Variants in CHD6 observed in about 807,000 individuals in gnomAD.
CHD6 encodes ATP-dependent chromatin remodeler CHD6.
A neutral mutation model predicts 276.9 loss-of-function variants in CHD6; 50 were observed. The ratio of observed to expected loss-of-function variants is 0.18; its 90% CI spans 0.14 to 0.23. The LOEUF is 0.23. Ranked by LOEUF, CHD6 falls within the 10% of genes least tolerant of loss-of-function variation. The pLI, the probability that CHD6 is intolerant of heterozygous loss-of-function variation, is 1.00. For missense variants in CHD6, 2,564 were observed against 3,365.8 expected (o/e 0.76, Z 5.89); for synonymous variants, 1,173 against 1,229.3 (o/e 0.95, Z 0.96).
chr20:41,524,229 G>C (rs1245739538), intron 3 of CHD6, among the ~76,000 whole-genome samples: 1 of 152,032 alleles, frequency 6.6e-6, no homozygotes, highest in East Asian at 1.9e-4. Flanking sequence ...CATAATACCG[G>C]TATTAACTGA....
chr20:41,592,691 G>C (rs979999323), intron 1 of CHD6, among the ~76,000 whole-genome samples: 1 of 152,186 alleles, frequency 6.6e-6, no homozygotes, highest in Admixed American at 6.5e-5. Context: ...TAGTGGTCAA[G>C]AAGTCCATGA....
chr20:41,474,581 C>T (rs2043130826), intron 16 of CHD6, among the ~76,000 whole-genome samples: 1 of 152,148 alleles, frequency 6.6e-6, no homozygotes, highest in East Asian at 1.9e-4. Flanking sequence ...TCACCCCAAA[C>T]CGACAACAGC....
At chr20:41,547,696 G>A in intron 2 of CHD6, 1 of 699,006 alleles carries the variant, frequency 1.4e-6, no homozygotes, top group Non-Finnish European at 2.4e-6. Context: ...CCAATAGACA[G>A]AAAGAAACAG....
chr20:41,548,499 T>A (rs978819532), intron 2 of CHD6, among the ~76,000 whole-genome samples: 5 of 152,240 alleles, frequency 3.3e-5, no homozygotes, highest in African/African-American at 1.2e-4. Context: ...TAATTCAAGA[T>A]GGATTAAAGA....
intron 1 of CHD6, among the ~76,000 whole-genome samples, chr20:41,565,484 A>G (rs1218583002): frequency 2.0e-5 from 3 of 152,204 alleles, no homozygotes; most frequent in Non-Finnish European, 4.4e-5. Context: ...GGGAGAGTAG[A>G]TGGATAAGTT....
chr20:41,511,094 C>A (rs1053956523), intron 5 of CHD6, among the ~76,000 whole-genome samples: 1 of 152,202 alleles, frequency 6.6e-6, no homozygotes, highest in Non-Finnish European at 1.5e-5. Context: ...ATAGTCCCTG[C>A]TCCCTGCTAC....
At chr20:41,522,307 C>T (rs2044419528) in intron 3 of CHD6, among the ~76,000 whole-genome samples, 2 of 152,256 alleles carry the variant, frequency 1.3e-5, no homozygotes, top group South Asian at 4.1e-4. Context: ...GATTGTGCCA[C>T]TGCACACCAG....
chr20:41,464,739 T>C (rs1171090743), intron 17 of CHD6, among the ~76,000 whole-genome samples: 4 of 152,182 alleles, frequency 2.6e-5, no homozygotes, highest in African/African-American at 9.7e-5. Context: ...GCATACCTAG[T>C]AGCCAGAGTT....
chr20:41,416,913 A>C, intron 32 of CHD6, 119 bp from the exon 33 acceptor site: 2 of 828,598 alleles, frequency 2.4e-6, no homozygotes, highest in Non-Finnish European at 3.6e-6. Context: ...GAGCACACTC[A>C]AACATACTCA....
intron 3 of CHD6, among the ~76,000 whole-genome samples, chr20:41,515,922 T>C (rs1285955105): frequency 6.6e-6 from 1 of 152,182 alleles, no homozygotes; most frequent in Non-Finnish European, 1.5e-5. Context: ...TTTTAAGCAA[T>C]GGATAGATGG....
chr20:41,405,806 C>G (rs962503954), intron 36 of CHD6, among the ~76,000 whole-genome samples: 1 of 152,040 alleles, frequency 6.6e-6, no homozygotes, highest in Admixed American at 6.6e-5. Context: ...GAGTGGGGAG[C>G]TGGAGAAAGC....
At chr20:41,453,693 C>T (rs1465879199) in intron 20 of CHD6, among the ~76,000 whole-genome samples, 2 of 152,204 alleles carry the variant, frequency 1.3e-5, no homozygotes, top group African/African-American at 2.4e-5. Flanking sequence ...GGCCACAGTG[C>T]TTTCTCCCCT....
Position 41,455,279 on chromosome 20 carries a change from G to A in CHD6, c.3009+521C>T, listed in dbSNP as rs142415908. On this transcript the variant is annotated intron_variant, in intron 19 of 36. Transcript: ENST00000373233. Reference sequence around the variant, plus strand: ...TCACACAGGAATCAGCAGTGGTTGTGGCTAGGGAAACCTGAGAGTGATCTG... The same window carrying A: ...TCACACAGGAATCAGCAGTGGTTGTAGCTAGGGAAACCTGAGAGTGATCTG... Among the ~76,000 whole-genome samples the A allele has an allele frequency of 2.7e-3, 415 of 152,324 alleles. 2 individuals are homozygous for A. The highest frequency in any genetic ancestry group is 0.024 in the Middle Eastern group (7 of 294).
chr20:41,591,516 C>T (rs1207944883), intron 1 of CHD6, among the ~76,000 whole-genome samples: 1 of 151,670 alleles, frequency 6.6e-6, no homozygotes, highest in Non-Finnish European at 1.5e-5. Flanking sequence ...CATGAAGAAA[C>T]TCCGTCTCTA....
chr20:41,502,837 C>T (rs1005962405), intron 5 of CHD6, among the ~76,000 whole-genome samples: 20 of 152,178 alleles, frequency 1.3e-4, no homozygotes, highest in African/African-American at 4.6e-4. Flanking sequence ...GAAACCCTGT[C>T]TCTACTAAAA....
At chr20:41,546,740 T>C (rs1311558689) in intron 2 of CHD6, among the ~76,000 whole-genome samples, 1 of 152,232 alleles carries the variant, frequency 6.6e-6, no homozygotes, top group Admixed American at 6.5e-5. Flanking sequence ...TGCTTAGTCA[T>C]CTTAAGAATT....
chr20:41,539,443 ATAAG>A (rs2044897529), intron 2 of CHD6, among the ~76,000 whole-genome samples: 1 of 152,206 alleles, frequency 6.6e-6, no homozygotes, highest in South Asian at 2.1e-4. Context: ...GTCTGCCAGT[ATAAG>A]TAAGTCTTCT....
intron 25 of CHD6, among the ~76,000 whole-genome samples, chr20:41,442,975 G>C (rs1478662305): frequency 6.6e-6 from 1 of 152,196 alleles, no homozygotes; most frequent in Non-Finnish European, 1.5e-5. Flanking sequence ...TGAAAACAGA[G>C]GCTTTTTCTT....
rs773667603 is a variant in CHD6 at position 41,405,164 on chromosome 20, G to T, written c.7577C>A (p.Ala2526Asp). ...AACACCAAACATCTGGGGCACAGCAGCCATGCCTGGCAGCATCATGGGCAG... is the reference window on the plus strand; with the variant it reads ...AACACCAAACATCTGGGGCACAGCATCCATGCCTGGCAGCATCATGGGCAG... ...SMLPMMLPGM[A>D]AVPQMFGVGG... Residue 2526 changes from alanine (A) to aspartate (D), a missense_variant, in exon 37 of 37, where the codon GCT becomes GAT. Transcript: ENST00000373233. 9.3e-6 allele frequency: 15 copies of T among 1,614,086 alleles called. No homozygotes were observed. Among genetic ancestry groups the T allele is most frequent in the Non-Finnish European group, 1.0e-5 (12 of 1,180,026 alleles).
Sources: allele counts gnomAD v4.1 joint callset (sites outside exome capture counted in the v4.1 genomes callset), GRCh38; gene constraint gnomAD v4.1.1; transcripts MANE v1.5; gene names NCBI Gene and HGNC (gene_info 2026-07-23, HGNC 2026-07-21).